Variants in CDC14B observed in about 807,000 individuals in gnomAD.
The protein encoded by CDC14B is cell division cycle 14B, also known as dual specificity protein phosphatase CDC14B.
CDC14B carries 22 observed loss-of-function variants against 64.2 expected under a neutral mutation model. That is an observed-to-expected ratio of 0.34 (90% CI 0.24 to 0.49). The LOEUF is 0.49. CDC14B is among the 20% of genes least tolerant of loss of function. The pLI is 0.99. For missense variants in CDC14B, 498 were observed against 629.9 expected (o/e 0.79, Z 2.24); for synonymous variants, 191 against 215.8 (o/e 0.89, Z 1.01).
intron 1 of CDC14B, among the ~76,000 whole-genome samples, chr9:96,568,273 G>T (rs1232768207): frequency 6.6e-6 from 1 of 152,120 alleles, no homozygotes; most frequent in Non-Finnish European, 1.5e-5. Context: ...AACTGGGGAA[G>T]ACCTTGCTAA....
intron 9 of CDC14B, among the ~76,000 whole-genome samples, chr9:96,526,669 A>G (rs16911097): frequency 0.26 from 40,062 of 152,118 alleles, 5,714 homozygotes; most frequent in East Asian, 0.57. Context: ...ATGCAATCAA[A>G]TAAGATCCTC....
chr9:96,549,953 T>G (rs1564311263), intron 5 of CDC14B, among the ~76,000 whole-genome samples: 1 of 152,250 alleles, frequency 6.6e-6, no homozygotes, highest in Non-Finnish European at 1.5e-5. Context: ...CATGGATCCT[T>G]CATTGCACAG....
At chr9:96,495,715 T>C (rs1179859212), downstream of CDC14B, among the ~76,000 whole-genome samples, 1 of 152,128 alleles carries the variant, frequency 6.6e-6, no homozygotes, top group East Asian at 1.9e-4. Context: ...GTGTGGCCTA[T>C]GAGGGACATG....
At chr9:96,535,618 TA>T (rs1839171366) in intron 7 of CDC14B, among the ~76,000 whole-genome samples, 1 of 152,192 alleles carries the variant, frequency 6.6e-6, no homozygotes, top group African/African-American at 2.4e-5. Flanking sequence ...AAACAACAGA[TA>T]AATTAGCTTT....
intron 1 of CDC14B, among the ~76,000 whole-genome samples, chr9:96,572,710 A>G (rs1844546781): frequency 1.3e-5 from 2 of 152,352 alleles, no homozygotes; most frequent in African/African-American, 4.8e-5. Context: ...CTCATTAAAA[A>G]CAGAGAAGGA....
intron 4 of CDC14B, among the ~76,000 whole-genome samples, chr9:96,555,844 A>AC (rs900526578): frequency 1.3e-5 from 2 of 151,850 alleles, no homozygotes; most frequent in African/African-American, 4.8e-5. Flanking sequence ...ACTTCCCACC[A>AC]CCCCCACTTT....
In CDC14B at chr9:96,515,644, C is replaced by T; in HGVS notation, c.1344-5855G>A. The T allele has an allele frequency of 6.4e-7, 1 of 1,561,626 alleles. No homozygotes were observed. ...AACGGCAGAGAAACAGAACGGGACA[C>T]TTACAGCAGCTATCTGTCAGGGGGT... On this transcript the variant is annotated intron_variant, in intron 12 of 13. Coordinates refer to ENST00000375241, the MANE Select transcript of CDC14B (RefSeq NM_033331.4). This position sits in a 1 kb window ranked among gnomAD's most constrained non-coding sequence, Gnocchi z 4.3.
At chr9:96,527,583 A>G (rs1564250597) in intron 9 of CDC14B, among the ~76,000 whole-genome samples, 3 of 152,114 alleles carry the variant, frequency 2.0e-5, no homozygotes. Flanking sequence ...TACAAAACGG[A>G]AACTCTGGAC....
intron 1 of CDC14B, among the ~76,000 whole-genome samples, chr9:96,580,754 T>G (rs1845098858): frequency 6.6e-6 from 1 of 152,252 alleles, no homozygotes; most frequent in South Asian, 2.1e-4. Context: ...GTCATTAATA[T>G]GGGAATAATT....
At chr9:96,523,109 TAA>T in intron 11 of CDC14B, 150 bp downstream of exon 11, 1 of 777,066 alleles carries the variant, frequency 1.3e-6, no homozygotes, top group Non-Finnish European at 2.1e-6. Context: ...CTATTTTGGG[TAA>T]AAAGTGCCTA....
chr9:96,599,249 T>C (rs898241144), intron 1 of CDC14B, among the ~76,000 whole-genome samples: 3 of 151,980 alleles, frequency 2.0e-5, no homozygotes, highest in Non-Finnish European at 4.4e-5. Context: ...GGCATCATGA[T>C]GGGTGCCTGT....
At chr9:96,608,876 T>TA (rs1847133031) in intron 1 of CDC14B, among the ~76,000 whole-genome samples, 1 of 138,418 alleles carries the variant, frequency 7.2e-6, no homozygotes, top group Non-Finnish European at 1.5e-5. Context: ...CCCTGTTGTT[T>TA]AAAGGTTAAA....
chr9:96,568,801 C>T (rs1353052476), intron 1 of CDC14B, among the ~76,000 whole-genome samples: 2 of 151,922 alleles, frequency 1.3e-5, no homozygotes, highest in Non-Finnish European at 2.9e-5. Context: ...CCTGTAATCC[C>T]AGCTACTTGG....
chr9:96,603,901 C>T (rs1366514433), intron 1 of CDC14B, among the ~76,000 whole-genome samples: 1 of 152,182 alleles, frequency 6.6e-6, no homozygotes, highest in Non-Finnish European at 1.5e-5. Context: ...GCATGTGACA[C>T]ACAGATTAGA....
In CDC14B at chr9:96,515,753, A is replaced by T; in HGVS notation, c.1344-5964T>A. On this transcript the variant is annotated intron_variant, in intron 12 of 13. Coordinates refer to ENST00000375241, the MANE Select transcript of CDC14B (RefSeq NM_033331.4). The surrounding 1 kb of genome is among the most constrained non-coding windows in gnomAD (Gnocchi z 4.3). Reference sequence around the variant, plus strand: ...AGTCACAAACAATCCACCAGATGACAACACTACACAGTGCAGAGGTCAGCA... The same window carrying T: ...AGTCACAAACAATCCACCAGATGACTACACTACACAGTGCAGAGGTCAGCA... The T allele has an allele frequency of 6.2e-7, 1 of 1,606,578 alleles. No individual in the cohort carries two copies. The highest frequency in any genetic ancestry group is 1.1e-5 in the South Asian group (1 of 89,448).
intron 1 of CDC14B, among the ~76,000 whole-genome samples, chr9:96,576,632 CAAAAA>C (rs11304216): frequency 0.067 from 5,478 of 81,756 alleles, 341 homozygotes; most frequent in African/African-American, 0.22. Context: ...GACTCCATCT[CAAAAA>C]AAAAAAAAAA....
Position 96,503,719 on chromosome 9 carries a change from G to C in CDC14B, c.*34C>G, listed in dbSNP as rs376560205. The C allele has an allele frequency of 1.1e-5, 18 of 1,598,278 alleles. No individual in the cohort carries two copies. The highest frequency in any genetic ancestry group is 4.5e-5 in the East Asian group (2 of 44,802). On this transcript the variant is annotated 3_prime_UTR_variant, in exon 14 of 14. Coordinates refer to ENST00000375241, the MANE Select transcript of CDC14B (RefSeq NM_033331.4). ...ATTTCTGTTGCAGTTTTCAGTCCTA[G>C]AGTCTTCCTTCAGCTCTGGTCACAG...
At chr9:96,592,090 G>A (rs1356703315) in intron 1 of CDC14B, among the ~76,000 whole-genome samples, 1 of 150,316 alleles carries the variant, frequency 6.7e-6, no homozygotes, top group African/African-American at 2.4e-5. Flanking sequence ...GGGTTTTTTT[G>A]TTTTCTAAGA....
At chr9:96,574,887 G>A (rs566385432) in intron 1 of CDC14B, among the ~76,000 whole-genome samples, 2 of 152,092 alleles carry the variant, frequency 1.3e-5, no homozygotes, top group Admixed American at 6.6e-5. Context: ...CAATAAATAC[G>A]TGAGCACAGA....
Sources: allele counts gnomAD v4.1 joint callset (sites outside exome capture counted in the v4.1 genomes callset), GRCh38; gene constraint gnomAD v4.1.1; non-coding constraint Gnocchi (gnomAD v3.1); transcripts MANE v1.5; gene names NCBI Gene and HGNC (gene_info 2026-07-23, HGNC 2026-07-21).